The following HOOK1 variants were observed in gnomAD, a reference collection of about 807,000 sequenced individuals.
HOOK1 encodes hook microtubule tethering protein 1, also known as protein Hook homolog 1.
In HOOK1, 60 loss-of-function variants were observed where a neutral mutation model predicts 112.8. The observed-to-expected ratio is 0.53, with a 90% confidence interval of 0.43 to 0.66. HOOK1 has a LOEUF of 0.66. HOOK1 is among the 30% of genes least tolerant of loss of function. The pLI is 0.00. For missense variants in HOOK1, 770 were observed against 856.0 expected (o/e 0.90, Z 1.25); for synonymous variants, 294 against 283.8 (o/e 1.04, Z -0.36).
intron 8 of HOOK1, among the ~76,000 whole-genome samples, chr1:59,841,993 C>T (rs1559051090): frequency 6.6e-6 from 1 of 152,072 alleles, no homozygotes; most frequent in Non-Finnish European, 1.5e-5. Context: ...CTGTCTCGCA[C>T]CCTTCTTACT....
At chr1:59,829,487 A>G (rs1486188197) in intron 3 of HOOK1, among the ~76,000 whole-genome samples, 4 of 152,014 alleles carry the variant, frequency 2.6e-5, no homozygotes, top group Admixed American at 6.5e-5. Context: ...CTGATTTTCT[A>G]TTTTTAAGTC....
rs770594855 is a variant in HOOK1 at position 59,848,308 on chromosome 1, A to G, written c.930-7A>G. The G allele has an allele frequency of 1.2e-6, 2 of 1,603,854 alleles. No individual in the cohort carries two copies. Among genetic ancestry groups the G allele is most frequent in the South Asian group, 1.1e-5 (1 of 90,666 alleles). On this transcript the variant is annotated splice_region_variant and splice_polypyrimidine_tract_variant and intron_variant, in intron 10 of 21. Transcript: ENST00000371208. Reference sequence around the variant, plus strand: ...TGTACAGTAATGCTTAGTCTTTATGATTATAGGGCTACCTCTGATAAAGCA... The same window carrying G: ...TGTACAGTAATGCTTAGTCTTTATGGTTATAGGGCTACCTCTGATAAAGCA...
At chr1:59,817,808 C>T (rs926061337) in intron 1 of HOOK1, among the ~76,000 whole-genome samples, 2 of 152,180 alleles carry the variant, frequency 1.3e-5, no homozygotes, top group Non-Finnish European at 2.9e-5. Flanking sequence ...CCACTGTAAC[C>T]TGTTAACCTC....
chr1:59,828,428 T>C (rs368690802), intron 2 of HOOK1, among the ~76,000 whole-genome samples: 1 of 152,160 alleles, frequency 6.6e-6, no homozygotes, highest in Non-Finnish European at 1.5e-5. Flanking sequence ...TAATGGAGTA[T>C]TTGCCAAGTT....
chr1:59,853,470 A>G (rs2098408347), intron 12 of HOOK1, among the ~76,000 whole-genome samples: 1 of 151,890 alleles, frequency 6.6e-6, no homozygotes, highest in African/African-American at 2.4e-5. Context: ...TTTTCAAACT[A>G]TATTTGTGTC....
chr1:59,847,088 C>A lies in HOOK1; in HGVS notation c.832C>A (p.Leu278Ile). The change falls in exon 10 of 22, where the codon CTT becomes ATT. Residue 278 changes from leucine to isoleucine, a missense_variant. Leu to Ile is a conservative substitution (Grantham distance 5). Around this residue, in one of 3 missense-constraint regions of HOOK1, gnomAD observed 655 missense variants for 725.9 expected, o/e 0.90. Transcript: ENST00000371208. ...KDDYRVHCEE[L>I]EKQLIEFQHR... ...TGATTACCGTGTTCACTGTGAAGAA[C>A]TTGAAAAGCAGCTAATCGAATTCCA... The A allele has an allele frequency of 6.2e-7, 1 of 1,609,316 alleles. No homozygotes were observed.
intron 12 of HOOK1, among the ~76,000 whole-genome samples, chr1:59,851,876 C>A (rs1404970213): frequency 1.3e-5 from 2 of 151,520 alleles, no homozygotes; most frequent in African/African-American, 4.8e-5. Context: ...ATGCTGTTAT[C>A]CTAAAAGAGT....
rs140260262 is a variant in HOOK1 at position 59,835,179 on chromosome 1, C to T, written c.407-166C>T. On this transcript the variant is annotated intron_variant, in intron 5 of 21. Coordinates refer to ENST00000371208, the MANE Select transcript of HOOK1 (RefSeq NM_015888.6). ...GAATGAATTCATTTGCTTAACAATA[C>T]TCAGTTTATCTTGGTGAGGAAGGAA... Among the ~76,000 whole-genome samples, 18 of 152,212 alleles carry T rather than the reference C, an allele frequency of 1.2e-4. No homozygotes were observed. In the South Asian group the frequency reaches 1.5e-3, roughly 12 times the overall value.
intron 12 of HOOK1, among the ~76,000 whole-genome samples, chr1:59,849,969 A>G (rs1303742084): frequency 6.6e-6 from 1 of 151,592 alleles, no homozygotes; most frequent in African/African-American, 2.4e-5. Flanking sequence ...TTTCTTGAGC[A>G]TATATGCAGA....
At chr1:59,850,411 C>CT (rs141692517) in intron 12 of HOOK1, among the ~76,000 whole-genome samples, 291 of 150,602 alleles carry the variant, frequency 1.9e-3, no homozygotes, top group African/African-American at 6.7e-3. Context: ...TGTTGCTTGT[C>CT]TTTTTTTGGT....
chr1:59,815,891 G>A (rs142036734), intron 1 of HOOK1, among the ~76,000 whole-genome samples: 157 of 152,190 alleles, frequency 1.0e-3, no homozygotes, highest in African/African-American at 3.6e-3. Context: ...CTGTGTTTAG[G>A]ATTTTTGTTA....
At chr1:59,869,277 C>T (rs759898540) in intron 20 of HOOK1, among the ~76,000 whole-genome samples, 3 of 151,912 alleles carry the variant, frequency 2.0e-5, no homozygotes, top group Non-Finnish European at 4.4e-5. Context: ...CTGCAACCTC[C>T]GCCTCCCAGG....
intron 13 of HOOK1, 113 bp from the exon 14 acceptor site, chr1:59,858,872 G>A (rs866546178): frequency 5.3e-6 from 3 of 564,944 alleles, no homozygotes; most frequent in East Asian, 8.2e-5. Context: ...TTTGGACAGA[G>A]AGAGACCCTA....
At position 59,860,183 on chromosome 1, in the gene HOOK1, A is replaced by G. The variant is rs2098412815; in HGVS notation, c.1392-5A>G. ...ATTAAAAAAGATTTTGCTTTGTAAC[A>G]TCAGGGAGGTGTTTATTCGACTGCA... On this transcript the variant is annotated splice_region_variant and splice_polypyrimidine_tract_variant and intron_variant, in intron 14 of 21. Transcript: ENST00000371208. 6.3e-7 allele frequency: 1 copy of G among 1,583,288 alleles called. No individual in the cohort carries two copies. The highest frequency in any genetic ancestry group is 1.9e-5 in the Admixed American group (1 of 52,742).
intron 21 of HOOK1, among the ~76,000 whole-genome samples, 193 bp from the exon 22 acceptor site, chr1:59,872,602 A>G (rs1644073302): frequency 6.6e-6 from 1 of 152,184 alleles, no homozygotes; most frequent in African/African-American, 2.4e-5. Context: ...AATAGAGAAA[A>G]TGGATTTTGT....
intron 5 of HOOK1, among the ~76,000 whole-genome samples, chr1:59,834,473 G>GT (rs560993116): frequency 7.5e-4 from 114 of 152,166 alleles, no homozygotes; most frequent in African/African-American, 2.6e-3. Flanking sequence ...TTTACTAGAA[G>GT]TTTTTTTCTA....
intron 6 of HOOK1, among the ~76,000 whole-genome samples, 164 bp downstream of exon 6, chr1:59,835,576 G>C (rs1164665024): frequency 6.6e-6 from 1 of 151,976 alleles, no homozygotes; most frequent in Non-Finnish European, 1.5e-5. Context: ...ATTTTAAAAG[G>C]CCTTTAAGCC....
chr1:59,825,800 G>A (rs1434389164), intron 2 of HOOK1, among the ~76,000 whole-genome samples: 3 of 152,166 alleles, frequency 2.0e-5, no homozygotes, highest in Admixed American at 2.0e-4. Flanking sequence ...ATGAAAGTCA[G>A]TTGTGTATAA....
At chr1:59,870,923 T>C in intron 20 of HOOK1, 119 bp from the exon 21 acceptor site, 1 of 667,752 alleles carries the variant, frequency 1.5e-6, no homozygotes, top group East Asian at 2.8e-5. Context: ...CTACATTGTG[T>C]GCCTCACAAG....
Sources: allele counts gnomAD v4.1 joint callset (sites outside exome capture counted in the v4.1 genomes callset), GRCh38; gene constraint gnomAD v4.1.1; regional missense constraint gnomAD v4.1.1; transcripts MANE v1.5; gene names NCBI Gene and HGNC (gene_info 2026-07-23, HGNC 2026-07-21).